Variants in PSMB3 observed in about 807,000 individuals in gnomAD.
The protein encoded by PSMB3 is proteasome 20S subunit beta 3.
Under a neutral mutation model 23.3 loss-of-function variants are expected in PSMB3, and 5 were observed. The ratio of observed to expected loss-of-function variants is 0.21; its 90% CI spans 0.11 to 0.45. The LOEUF (loss-of-function observed/expected upper bound fraction) is 0.45. Ranked by LOEUF, PSMB3 falls within the 20% of genes least tolerant of loss-of-function variation. The pLI is 0.99. For synonymous variants in PSMB3, 85 were observed against 99.8 expected (o/e 0.85, Z 0.88); for missense variants, 192 against 277.9 (o/e 0.69, Z 2.20).
chr17:38,753,789 T>G (rs954940979), intron 2 of PSMB3, among the ~76,000 whole-genome samples: 6 of 152,168 alleles, frequency 3.9e-5, no homozygotes, highest in Non-Finnish European at 7.3e-5. Flanking sequence ...TGACTTTGAT[T>G]TTGACAACAA....
At chr17:38,757,924 G>A (rs1217136591) in intron 3 of PSMB3, among the ~76,000 whole-genome samples, 1 of 151,968 alleles carries the variant, frequency 6.6e-6, no homozygotes, top group African/African-American at 2.4e-5. Context: ...AAAGTGCTGG[G>A]ATTACAAGCA....
chr17:38,753,023 G>C, intron 1 of PSMB3, 127 bp from the exon 2 acceptor site: 3 of 1,271,238 alleles, frequency 2.4e-6, no homozygotes, highest in Non-Finnish European at 3.2e-6. Flanking sequence ...CCCAGCTGGA[G>C]AACCAGGGGT....
chr17:38,762,323 A>C, intron 4 of PSMB3, 88 bp from the exon 5 acceptor site: 1 of 1,119,574 alleles, frequency 8.9e-7, no homozygotes, highest in Non-Finnish European at 1.3e-6. Flanking sequence ...AGAGCTGGGA[A>C]TCTTGAGCCT....
At chr17:38,757,716 G>A (rs1208878879) in intron 3 of PSMB3, among the ~76,000 whole-genome samples, 3 of 152,248 alleles carry the variant, frequency 2.0e-5, no homozygotes, top group African/African-American at 7.2e-5. Flanking sequence ...TTGGGAAGCT[G>A]AGGCAGGAGA....
chr17:38,760,701 A>G (rs913973583), intron 4 of PSMB3, 93 bp downstream of exon 4: 5 of 1,422,144 alleles, frequency 3.5e-6, no homozygotes, highest in Non-Finnish European at 3.9e-6. Context: ...TAATGGGGAG[A>G]ATGGTGCAGG....
intron 3 of PSMB3, among the ~76,000 whole-genome samples, chr17:38,759,114 C>CT (rs1908329953): frequency 6.6e-6 from 1 of 152,216 alleles, no homozygotes; most frequent in African/African-American, 2.4e-5. Flanking sequence ...TTTACTGACT[C>CT]TTTCTACTGA....
chr17:38,764,030 G>T, intron 5 of PSMB3, 89 bp from the exon 6 acceptor site: 1 of 1,517,116 alleles, frequency 6.6e-7, no homozygotes, highest in Non-Finnish European at 9.1e-7. Context: ...CGCAGGGCTT[G>T]AGGGCTTGGT....
At chr17:38,762,526 G>A (rs1908487872) in intron 5 of PSMB3, 21 bp downstream of exon 5, 1 of 1,601,822 alleles carries the variant, frequency 6.2e-7, no homozygotes, top group East Asian at 2.2e-5. Flanking sequence ...GCTGGGAGAA[G>A]TCTAGAAGCT....
At chr17:38,761,263 G>A (rs1440148391) in intron 4 of PSMB3, among the ~76,000 whole-genome samples, 1 of 150,400 alleles carries the variant, frequency 6.6e-6, no homozygotes, top group Non-Finnish European at 1.5e-5. Context: ...GAGGAGAATC[G>A]CTTGAGCCTG....
chr17:38,755,658 AAATAT>A (rs1482728234), intron 2 of PSMB3, among the ~76,000 whole-genome samples: 2,366 of 105,932 alleles, frequency 0.022, 86 homozygotes, highest in East Asian at 0.1. Flanking sequence ...AAAAAAAAAA[AAATAT>A]ATATATATAT....
intron 2 of PSMB3, among the ~76,000 whole-genome samples, chr17:38,754,893 A>G (rs569770355): frequency 1.3e-5 from 2 of 152,222 alleles, no homozygotes; most frequent in African/African-American, 4.8e-5. Context: ...CTGAGATGGA[A>G]CTGGCAAGCT....
At chr17:38,755,672 A>C (rs1340318424) in intron 2 of PSMB3, among the ~76,000 whole-genome samples, 1 of 88,784 alleles carries the variant, frequency 1.1e-5, no homozygotes, top group African/African-American at 4.1e-5. Context: ...ATATATATAT[A>C]TATATATATA....
intron 3 of PSMB3, among the ~76,000 whole-genome samples, chr17:38,756,669 T>G (rs1908210392): frequency 6.6e-6 from 1 of 151,970 alleles, no homozygotes; most frequent in Non-Finnish European, 1.5e-5. Flanking sequence ...CTAATTTTTG[T>G]ATTTTCAGTA....
intron 4 of PSMB3, 72 bp from the exon 5 acceptor site, chr17:38,762,339 A>G: frequency 7.7e-7 from 1 of 1,298,820 alleles, no homozygotes; most frequent in Non-Finnish European, 1.1e-6. Context: ...AGCCTAGAAA[A>G]AAGAGAGTTA....
Position 38,753,259 on chromosome 17 carries a change from A to C in PSMB3, c.113A>C (p.Asp38Ala). 6.2e-7 allele frequency: 1 copy of C among 1,614,156 alleles called. No individual in the cohort carries two copies. Among genetic ancestry groups the C allele is most frequent in the Non-Finnish European group, 8.5e-7 (1 of 1,180,024 alleles). Reference protein sequence around the residue: ...FGIQAQMVTTDFQKIFPMGDR... With the variant: ...FGIQAQMVTTAFQKIFPMGDR... ...ATCCAGGCCCAGATGGTGACCACGG[A>C]CTTCCAGAAGATCTTTCCCATGGGT... The change falls in exon 2 of 6, where the codon GAC becomes GCC. Residue 38 changes from aspartate (D) to alanine (A), a missense_variant. Coordinates refer to ENST00000619426, the MANE Select transcript of PSMB3 (RefSeq NM_002795.4).
rs760326764 is a variant in PSMB3, at chr17:38,764,142, G to A, written c.593G>A (p.Arg198Lys). The change falls in exon 6 of 6, where the codon AGG (arginine) becomes AAG (lysine). Residue 198 changes from arginine (R) to lysine (K), a missense_variant. Arg to Lys is a conservative substitution (Grantham distance 26). Coordinates refer to ENST00000619426, the MANE Select transcript of PSMB3 (RefSeq NM_002795.4). The stretch of plus-strand genomic sequence containing the variant: ...AGCGAGAAGGACAAAATCACCACCA[G>A]GACACTGAAGGCCCGAATGGACTAA... ...HIIEKDKITT[R>K]TLKARMD The A allele has an allele frequency of 8.7e-6, 14 of 1,614,176 alleles. No homozygotes were observed. In the South Asian group the frequency reaches 1.5e-4, roughly 18 times the overall value.
At chr17:38,755,854 CT>C in intron 2 of PSMB3, 28 bp from the exon 3 acceptor site, 1 of 1,554,002 alleles carries the variant, frequency 6.4e-7, no homozygotes, top group Non-Finnish European at 8.9e-7. Flanking sequence ...TCAATAATGA[CT>C]TACTAACTCA....
rs1196114935 is a variant in PSMB3, at chr17:38,753,257, G to A, written c.111G>A (p.Thr37=). ...GGATCCAGGCCCAGATGGTGACCAC[G>A]GACTTCCAGAAGATCTTTCCCATGG... is the stretch of plus-strand genomic sequence containing the variant. ...RFGIQAQMVT[T]DFQKIFPMGD... Residue 37 remains threonine, a synonymous_variant, in exon 2 of 6, where the codon ACG becomes ACA. Coordinates refer to ENST00000619426, the MANE Select transcript of PSMB3 (RefSeq NM_002795.4). The A allele has an allele frequency of 6.8e-6, 11 of 1,614,184 alleles. No individual in the cohort carries two copies. Among genetic ancestry groups the A allele is most frequent in the Non-Finnish European group, 8.5e-6 (10 of 1,180,032 alleles).
At position 38,759,793 on chromosome 17, in the gene PSMB3, C is replaced by T. The variant is rs1031009767; in HGVS notation, c.297-638C>T. Among the ~76,000 whole-genome samples the T allele has an allele frequency of 5.0e-4, 76 of 152,226 alleles. 1 individual carries two copies. The highest frequency in any genetic ancestry group is 3.4e-3 in the Middle Eastern group (1 of 294). On this transcript the variant is annotated intron_variant, in intron 3 of 5. Coordinates refer to ENST00000619426, the MANE Select transcript of PSMB3 (RefSeq NM_002795.4). ...CGATCTCCTGACCTGGTGATCCACC[C>T]ACCTCGGCCTCCCAAAGTGCTGAGA...
Sources: gnomAD v4.1 joint callset for allele counts (sites outside exome capture counted in the v4.1 genomes callset) on GRCh38, gnomAD v4.1.1 for gene constraint, MANE v1.5 for transcripts, NCBI Gene and HGNC (gene_info 2026-07-23, HGNC 2026-07-21) for gene names.